Variants in ACSS3 observed in about 807,000 individuals in gnomAD.
ACSS3 encodes acyl-CoA synthetase short-chain family member 3, mitochondrial.
Under a neutral mutation model 84.2 loss-of-function variants are expected in ACSS3, and 64 were observed. The ratio of observed to expected loss-of-function variants is 0.76; its 90% CI spans 0.62 to 0.94. The LOEUF (loss-of-function observed/expected upper bound fraction) is 0.94. ACSS3 is among the 40% of genes least tolerant of loss of function. The pLI is 0.00. For missense variants in ACSS3, 815 were observed against 867.6 expected (o/e 0.94, Z 0.76); for synonymous variants, 317 against 310.1 (o/e 1.02, Z -0.23).
intron 8 of ACSS3, among the ~76,000 whole-genome samples, chr12:81,191,214 A>G (rs2031552944): frequency 6.6e-6 from 1 of 152,098 alleles, no homozygotes; most frequent in Non-Finnish European, 1.5e-5. Flanking sequence ...TAATTTAAAT[A>G]TATTTTCATT....
At position 81,256,991 on chromosome 12, in the gene ACSS3, T is replaced by C. The variant is rs1456789017; in HGVS notation, c.*2069T>C. The C allele has an allele frequency of 6.6e-6, 1 of 152,158 alleles. No homozygotes were observed. Among genetic ancestry groups the C allele is most frequent in the Non-Finnish European group, 1.5e-5 (1 of 68,028 alleles). The allele number at this position is 152,158 out of a possible 1,614,324, so 9.4% of individuals were successfully genotyped here. ...TAATGTCTTAGGAGTAGAATGTGTT[T>C]CCTTATTTTTTTTCAAATAAGAGTC... On this transcript the variant is annotated 3_prime_UTR_variant, in exon 16 of 16. Transcript: ENST00000548058.
intron 9 of ACSS3, among the ~76,000 whole-genome samples, chr12:81,215,180 G>A (rs930386899): frequency 1.3e-5 from 2 of 152,056 alleles, no homozygotes; most frequent in Non-Finnish European, 2.9e-5. Context: ...GGGGAAAATC[G>A]GCAGGAGTAT....
intron 8 of ACSS3, among the ~76,000 whole-genome samples, chr12:81,183,379 G>T (rs1020135226): frequency 1.3e-5 from 2 of 151,972 alleles, no homozygotes; most frequent in African/African-American, 4.8e-5. Context: ...AAATAACAAA[G>T]GTAGACAACA....
intron 8 of ACSS3, among the ~76,000 whole-genome samples, chr12:81,180,889 G>A (rs1247961449): frequency 6.6e-6 from 1 of 152,134 alleles, no homozygotes; most frequent in African/African-American, 2.4e-5. Flanking sequence ...CAAGGAGAAT[G>A]CCAACATCAA....
chr12:81,242,743 A>G, intron 13 of ACSS3, among the ~76,000 whole-genome samples: 1 of 138,804 alleles, frequency 7.2e-6, no homozygotes, highest in Non-Finnish European at 1.6e-5. Flanking sequence ...TATAAACAGA[A>G]CCAAAGACAA....
chr12:81,253,442 T>C (rs2034213941), intron 14 of ACSS3, 36 bp downstream of exon 14: 2 of 1,613,506 alleles, frequency 1.2e-6, no homozygotes, highest in Non-Finnish European at 8.5e-7. Flanking sequence ...GCTTGGGACC[T>C]GAATAATTAA....
At chr12:81,142,971 C>A in intron 4 of ACSS3, 136 bp from the exon 5 acceptor site, 1 of 801,974 alleles carries the variant, frequency 1.2e-6, no homozygotes, top group South Asian at 5.5e-5. Context: ...ACTTTTTAGT[C>A]ATAAATCTGA....
intron 7 of ACSS3, among the ~76,000 whole-genome samples, chr12:81,169,096 C>T (rs992854906): frequency 2.0e-5 from 3 of 152,098 alleles, no homozygotes; most frequent in East Asian, 1.9e-4. Context: ...CCAAGAAGTT[C>T]TACTGTATAT....
intron 2 of ACSS3, among the ~76,000 whole-genome samples, chr12:81,127,290 C>A (rs79577888): frequency 0.081 from 12,346 of 151,892 alleles, 583 homozygotes; most frequent in East Asian, 0.21. Context: ...CTGAAAAATT[C>A]TCTTCCAAAA....
chr12:81,098,374 G>A (rs1437540719), intron 1 of ACSS3, among the ~76,000 whole-genome samples: 2 of 152,070 alleles, frequency 1.3e-5, no homozygotes, highest in Non-Finnish European at 2.9e-5. Flanking sequence ...ACTATTAGAA[G>A]TGTTTTGGGT....
rs541459955 is a variant in ACSS3 at position 81,172,041 on chromosome 12, C to T, written c.1099-2747C>T. Among the ~76,000 whole-genome samples the T allele has an allele frequency of 2.7e-4, 41 of 152,088 alleles. No individual in the cohort carries two copies. In the East Asian group the frequency reaches 3.3e-3, roughly 12 times the overall value. The stretch of plus-strand genomic sequence containing the variant: ...AGCACTTTGAGAGGCCGAAGGCAGG[C>T]GGATTGCCTGAGGTCAGAAGTTCAA... On this transcript the variant is annotated intron_variant, in intron 7 of 15. Transcript: ENST00000548058.
intron 2 of ACSS3, among the ~76,000 whole-genome samples, chr12:81,130,677 G>A (rs1026628423): frequency 1.3e-5 from 2 of 152,092 alleles, no homozygotes; most frequent in African/African-American, 4.8e-5. Context: ...ATTGCTTTTG[G>A]TGTTTTAGTC....
chr12:81,077,881 G>T (rs1010679860), upstream of ACSS3: 30 of 459,358 alleles, frequency 6.5e-5, no homozygotes, highest in South Asian at 1.4e-3. Flanking sequence ...GTGCAGCAGC[G>T]CAACTAACCT....
chr12:81,152,323 A>G (rs949497329), intron 7 of ACSS3, among the ~76,000 whole-genome samples: 6 of 136,728 alleles, frequency 4.4e-5, no homozygotes, highest in South Asian at 2.4e-4. Context: ...AAGAACATAC[A>G]AAAACAAGCT....
At chr12:81,104,136 G>A (rs1231540225) in intron 1 of ACSS3, among the ~76,000 whole-genome samples, 2 of 152,112 alleles carry the variant, frequency 1.3e-5, no homozygotes, top group East Asian at 1.9e-4. Context: ...AAGGTAGAGC[G>A]AAGGTCAACC....
chr12:81,095,362 C>T (rs7973522), intron 1 of ACSS3, among the ~76,000 whole-genome samples: 53,426 of 152,122 alleles, frequency 0.35, 11,896 homozygotes, highest in Non-Finnish European at 0.5. Context: ...ATTTAATATA[C>T]TTATGCTTTG....
intron 13 of ACSS3, among the ~76,000 whole-genome samples, chr12:81,234,875 A>G (rs2033580308): frequency 6.6e-6 from 1 of 151,324 alleles, no homozygotes; most frequent in Non-Finnish European, 1.5e-5. Flanking sequence ...AAAAGTGTCC[A>G]TAACAGAGAA....
chr12:81,206,319 T>C (rs934323707), intron 9 of ACSS3, among the ~76,000 whole-genome samples: 1 of 152,092 alleles, frequency 6.6e-6, no homozygotes, highest in East Asian at 1.9e-4. Context: ...AGTTGGGTTG[T>C]ACTGAACCGG....
At chr12:81,248,579 G>T (rs2034056004) in intron 13 of ACSS3, among the ~76,000 whole-genome samples, 1 of 151,924 alleles carries the variant, frequency 6.6e-6, no homozygotes, top group African/African-American at 2.4e-5. Flanking sequence ...GAAAGGACAT[G>T]AAAAGAGATC....
Sources: allele counts gnomAD v4.1 joint callset (sites outside exome capture counted in the v4.1 genomes callset), GRCh38; gene constraint gnomAD v4.1.1; transcripts MANE v1.5; gene names NCBI Gene and HGNC (gene_info 2026-07-23, HGNC 2026-07-21).